The following HIRA variants were observed in gnomAD, a reference collection of about 807,000 sequenced individuals.
HIRA encodes histone cell cycle regulator, also known as protein HIRA.
HIRA carries 13 observed loss-of-function variants against 126.6 expected under a neutral mutation model. The ratio of observed to expected loss-of-function variants is 0.10; its 90% CI spans 0.07 to 0.16. HIRA has a LOEUF of 0.16. Ranked by LOEUF, HIRA falls within the 10% of genes least tolerant of loss-of-function variation. HIRA has a pLI of 1.00. For synonymous variants in HIRA, 511 were observed against 520.0 expected, an observed-to-expected ratio of 0.98 and a Z score of 0.24; for missense variants, 834 against 1,314.4, an observed-to-expected ratio of 0.63 and a Z score of 5.65.
At chr22:19,387,853 G>C in intron 10 of HIRA, 37 bp from the exon 11 acceptor site, 7 of 1,483,752 alleles carry the variant, frequency 4.7e-6, no homozygotes, top group Non-Finnish European at 6.5e-6. Flanking sequence ...GGTAGCAAGA[G>C]CCCCAGGCAG....
chr22:19,382,176 G>A (rs1041013665), intron 13 of HIRA, among the ~76,000 whole-genome samples: 1 of 152,172 alleles, frequency 6.6e-6, no homozygotes, highest in Admixed American at 6.5e-5. Context: ...AGGGCAAAAA[G>A]CTTTTAATAC....
chr22:19,364,039 G>C (rs1387987787), intron 15 of HIRA, among the ~76,000 whole-genome samples: 1 of 152,272 alleles, frequency 6.6e-6, no homozygotes, highest in East Asian at 1.9e-4. Context: ...CCCCACTCTG[G>C]TGGGGGATGC....
intron 5 of HIRA, among the ~76,000 whole-genome samples, chr22:19,402,003 C>T (rs1220218701): frequency 6.6e-6 from 1 of 152,206 alleles, no homozygotes; most frequent in Non-Finnish European, 1.5e-5. Context: ...TCACTGGGCA[C>T]AGTAAGCACA....
In HIRA at chr22:19,331,116, G is replaced by GCT; in HGVS notation, c.*322_*323dup. 7.9e-7 allele frequency: 1 copy of GCT among 1,269,310 alleles called. No homozygotes were observed. The highest frequency in any genetic ancestry group is 1.0e-6 in the Non-Finnish European group (1 of 982,036). 78.6% of individuals were successfully genotyped at this position (1,269,310 alleles called of 1,614,324 possible). A position where few individuals can be genotyped will look rare whatever the true frequency, so the allele number is the denominator to read the frequency against. ...CAGCATGGTGCCTGCAGCAGCAGGG[G>GCT]CTAGTGTCCACCTTGGGGCCGTGCT... On this transcript the variant is annotated 3_prime_UTR_variant, in exon 25 of 25. Transcript: ENST00000263208.
intron 16 of HIRA, 25 bp from the exon 17 acceptor site, chr22:19,361,366 A>AG (rs1354226903): frequency 6.3e-7 from 1 of 1,596,154 alleles, no homozygotes; most frequent in Non-Finnish European, 8.6e-7. Flanking sequence ...AACGTTCCTG[A>AG]GCCTTGCTCT....
intron 5 of HIRA, among the ~76,000 whole-genome samples, chr22:19,401,374 G>A (rs111525760): frequency 2.0e-5 from 3 of 152,252 alleles, no homozygotes; most frequent in African/African-American, 7.2e-5. Flanking sequence ...TGATCCTCAT[G>A]CCTCGCTTCT....
In HIRA at chr22:19,351,387, T is replaced by G; in HGVS notation, c.2908A>C (p.Thr970Pro). The G allele has an allele frequency of 6.2e-7, 1 of 1,613,410 alleles. No individual in the cohort carries two copies. Among genetic ancestry groups the G allele is most frequent in the East Asian group, 2.2e-5 (1 of 44,860 alleles). The change falls in exon 24 of 25, where the codon ACT becomes CCT. Residue 970 changes from threonine to proline, a missense_variant. Physicochemically the swap from Thr to Pro is conservative, Grantham distance 38. This residue lies in a region of HIRA where 58 missense variants were observed against 114.5 expected (regional missense o/e 0.51). Coordinates refer to ENST00000263208, the MANE Select transcript of HIRA (RefSeq NM_003325.4). The surrounding 1 kb of genome is among the most constrained non-coding windows in gnomAD (Gnocchi z 4.8). ...KDLLGPVHYS[T>P]GSQWESTVVG... ...ACTGTTGACTCCCACTGGCTTCCAG[T>G]GGAGTAGTGAACCGGACCCAGTAAG...
At position 19,387,879 on chromosome 22, in the gene HIRA, T is replaced by C. The variant is rs988162321; in HGVS notation, c.1008-63A>G. 1.6e-5 allele frequency: 18 copies of C among 1,127,272 alleles called. No individual in the cohort carries two copies. The African/African-American group carries it at 2.2e-4, about 14-fold the overall frequency. The allele number at this position is 1,127,272 out of a possible 1,614,324, so 69.8% of individuals were successfully genotyped here. A position where few individuals can be genotyped will look rare whatever the true frequency, so the allele number is the denominator to read the frequency against. ...CCCCAGGCAGACACATGTGCCGCAG[T>C]AGCTGGCCTGTGAGGATGGTGGGCA... On this transcript the variant is annotated intron_variant, in intron 10 of 24. Coordinates refer to ENST00000263208, the MANE Select transcript of HIRA (RefSeq NM_003325.4).
intron 1 of HIRA, among the ~76,000 whole-genome samples, chr22:19,431,157 A>G (rs1340791384): frequency 6.6e-6 from 1 of 152,194 alleles, no homozygotes; most frequent in Non-Finnish European, 1.5e-5. Flanking sequence ...CGCTCCTGGG[A>G]GCCAGGCCGC....
rs1556004498 is a variant in HIRA at position 19,331,320 on chromosome 22, C to T, written c.*120G>A. 1 of 1,594,466 alleles carries T rather than the reference C, an allele frequency of 6.3e-7. No homozygotes were observed. Among genetic ancestry groups the T allele is most frequent in the Middle Eastern group, 1.7e-4 (1 of 6,018 alleles). ...CTGGGCTGGCGCTGGTGCAGGACAG[C>T]ACATCTCCTGCCAGTGTCTCCTCCC... On this transcript the variant is annotated 3_prime_UTR_variant, in exon 25 of 25. Coordinates refer to ENST00000263208, the MANE Select transcript of HIRA (RefSeq NM_003325.4).
rs1259762891 is a variant in HIRA at position 19,377,945 on chromosome 22, C to T, written c.1537G>A (p.Gly513Ser). 24 of 1,613,736 alleles carry T rather than the reference C, an allele frequency of 1.5e-5. No homozygotes were observed. In the Middle Eastern group the frequency reaches 8.2e-4, roughly 55 times the overall value. The change falls in exon 14 of 25, where the codon GGC (glycine) becomes AGC (serine). Residue 513 changes from glycine (G) to serine (S), a missense_variant. Physicochemically the swap from Gly to Ser is moderately conservative, Grantham distance 56 (BLOSUM62 0). Around this residue, in one of 5 missense-constraint regions of HIRA, gnomAD observed 468 missense variants for 574.2 expected, o/e 0.82. Transcript: ENST00000263208. ...GGCTCTGTGCAAGGCTTCGAGGCGC[C>T]GAAGGAGTTAGGGGTACTGGAGTCC... Reference protein sequence around the residue: ...PLDSSTPNSFGASKPCTEPVV... With the variant: ...PLDSSTPNSFSASKPCTEPVV...
intron 24 of HIRA, among the ~76,000 whole-genome samples, chr22:19,350,205 T>C (rs1051437682): frequency 3.3e-5 from 5 of 152,130 alleles, no homozygotes; most frequent in East Asian, 1.9e-4. Flanking sequence ...CTCATTTGCT[T>C]AGTCTGTCTC....
At chr22:19,419,398 A>G (rs2089425896) in intron 1 of HIRA, among the ~76,000 whole-genome samples, 1 of 151,976 alleles carries the variant, frequency 6.6e-6, no homozygotes, top group Non-Finnish European at 1.5e-5. Context: ...GTGCGCTCCT[A>G]TCTTGGGCCT....
At chr22:19,407,643 A>C (rs1477497699) in intron 3 of HIRA, among the ~76,000 whole-genome samples, 1 of 152,254 alleles carries the variant, frequency 6.6e-6, no homozygotes, top group Admixed American at 6.5e-5. Context: ...TCTCAAAAAA[A>C]GAGTACGTGC....
Position 19,331,248 on chromosome 22 carries a change from C to T in HIRA, c.*192G>A. The T allele has an allele frequency of 6.6e-7, 1 of 1,511,398 alleles. No homozygotes were observed. Among genetic ancestry groups the T allele is most frequent in the Non-Finnish European group, 8.8e-7 (1 of 1,130,714 alleles). The allele number at this position is 1,511,398 out of a possible 1,614,324, so 93.6% of individuals were successfully genotyped here. On this transcript the variant is annotated 3_prime_UTR_variant, in exon 25 of 25. Coordinates refer to ENST00000263208, the MANE Select transcript of HIRA (RefSeq NM_003325.4). ...GGAGGGAGGGATGAGCTTCCCCCTC[C>T]TGAGGCAATGTCAGACCCAGGACAC... is the stretch of plus-strand genomic sequence containing the variant.
chr22:19,382,296 T>TAGGGA (rs2089080946), intron 13 of HIRA, among the ~76,000 whole-genome samples: 1 of 152,102 alleles, frequency 6.6e-6, no homozygotes, highest in African/African-American at 2.4e-5. Context: ...CCTGGAAGGA[T>TAGGGA]CCACAGAACA....
At chr22:19,372,571 ATT>A (rs200950966) in intron 15 of HIRA, among the ~76,000 whole-genome samples, 132 of 136,018 alleles carry the variant, frequency 9.7e-4, no homozygotes, top group Non-Finnish European at 1.5e-3. Context: ...AAAGCTTTTA[ATT>A]TTTTTTTTTT....
At chr22:19,431,058 G>A (rs966376960) in intron 1 of HIRA, among the ~76,000 whole-genome samples, 3 of 152,174 alleles carry the variant, frequency 2.0e-5, no homozygotes, top group Admixed American at 1.3e-4. Context: ...GGCCACAAGG[G>A]GGATTTCATC....
At position 19,394,547 on chromosome 22, in the gene HIRA, C is replaced by A. The variant is rs754402158; in HGVS notation, c.655-38G>T. On this transcript the variant is annotated intron_variant, in intron 7 of 24. Coordinates refer to ENST00000263208, the MANE Select transcript of HIRA (RefSeq NM_003325.4). Reference sequence around the variant, plus strand: ...TCTGCACTTGAAAGGAGCTCAAGGCCACCTTTGTGACCAAAACTCTGGCCT... The same window carrying A: ...TCTGCACTTGAAAGGAGCTCAAGGCAACCTTTGTGACCAAAACTCTGGCCT... 3 of 1,598,802 alleles carry A rather than the reference C, an allele frequency of 1.9e-6. No individual in the cohort carries two copies. The Admixed American group carries it at 5.1e-5, about 27-fold the overall frequency.
Sources: allele counts gnomAD v4.1 joint callset (sites outside exome capture counted in the v4.1 genomes callset), GRCh38; gene constraint gnomAD v4.1.1; regional missense constraint gnomAD v4.1.1; non-coding constraint Gnocchi (gnomAD v3.1); transcripts MANE v1.5; gene names NCBI Gene and HGNC (gene_info 2026-07-23, HGNC 2026-07-21).